Variants in TNFRSF11A observed in about 807,000 individuals in gnomAD.
TNFRSF11A encodes tumor necrosis factor receptor superfamily member 11A.
A neutral mutation model predicts 55.7 loss-of-function variants in TNFRSF11A; 32 were observed. The observed-to-expected ratio is 0.57, with a 90% CI of 0.43 to 0.77. The LOEUF is 0.77. Ranked by LOEUF, TNFRSF11A falls within the 30% of genes least tolerant of loss-of-function variation. TNFRSF11A has a pLI of 0.00. For synonymous variants in TNFRSF11A, 311 were observed against 331.0 expected, an observed-to-expected ratio of 0.94 and a Z score of 0.65; for missense variants, 753 against 809.8, an observed-to-expected ratio of 0.93 and a Z score of 0.85.
At chr18:62,376,522 T>C (rs541399211) in intron 9 of TNFRSF11A, among the ~76,000 whole-genome samples, 1 of 152,232 alleles carries the variant, frequency 6.6e-6, no homozygotes, top group East Asian at 1.9e-4. Context: ...GTACAGAGAT[T>C]TCCTATATAC....
intron 2 of TNFRSF11A, among the ~76,000 whole-genome samples, chr18:62,348,946 G>T (rs1046100759): frequency 6.6e-5 from 10 of 152,298 alleles, no homozygotes; most frequent in South Asian, 2.1e-4. Flanking sequence ...CGGGTGGGGC[G>T]CAGCGTGACA....
At chr18:62,327,135 C>G (rs4245291) in intron 1 of TNFRSF11A, among the ~76,000 whole-genome samples, 148,054 of 152,282 alleles carry the variant, frequency 0.97, 71,990 homozygotes, top group East Asian at 1. Flanking sequence ...ACCAGCCCTT[C>G]GGAGAATAGG....
intron 3 of TNFRSF11A, among the ~76,000 whole-genome samples, chr18:62,353,894 G>A (rs1278071201): frequency 6.6e-6 from 1 of 152,104 alleles, no homozygotes; most frequent in Non-Finnish European, 1.5e-5. Flanking sequence ...GCCTGCCTCT[G>A]TACCCTCTCC....
intron 1 of TNFRSF11A, among the ~76,000 whole-genome samples, chr18:62,340,981 A>T (rs2046302646): frequency 6.6e-6 from 1 of 152,266 alleles, no homozygotes; most frequent in Non-Finnish European, 1.5e-5. Flanking sequence ...TCTGGTTTGT[A>T]CAAAAGAAAC....
rs1161517248 is a variant in TNFRSF11A, at chr18:62,389,214, C to G, written c.*4180C>G. On this transcript the variant is annotated 3_prime_UTR_variant, in exon 10 of 10. Coordinates refer to ENST00000586569, the MANE Select transcript of TNFRSF11A (RefSeq NM_003839.4). ...GGAGCAGAGAAGACGAGACAATGCT[C>G]TGCTCCAAGCGCCAGAGGAGGCTTC... The G allele has an allele frequency of 6.6e-6, 1 of 152,306 alleles. No homozygotes were observed. The highest frequency in any genetic ancestry group is 6.5e-5 in the Admixed American group (1 of 15,284). The allele number at this position is 152,306 out of a possible 1,614,324, so 9.4% of individuals were successfully genotyped here.
intron 6 of TNFRSF11A, among the ~76,000 whole-genome samples, 166 bp from the exon 7 acceptor site, chr18:62,361,514 A>G (rs1013649856): frequency 6.6e-6 from 1 of 152,106 alleles, no homozygotes; most frequent in East Asian, 1.9e-4. Context: ...CACCCTTTGG[A>G]ATGTGAGTGC....
In TNFRSF11A at chr18:62,390,283, T is replaced by A. The variant is rs1911948417; in HGVS notation, c.*5249T>A. 2 of 152,268 alleles carry A rather than the reference T, an allele frequency of 1.3e-5. No individual in the cohort carries two copies. The highest frequency in any genetic ancestry group is 2.4e-5 in the African/African-American group (1 of 41,458). The allele number at this position is 152,268 out of a possible 1,614,324, so 9.4% of individuals were successfully genotyped here. Reference sequence around the variant, plus strand: ...ACCCAAAAGTTGTCATCTTCTGACATGACACACTGAGGGAAGTAGACTTAC... The same window carrying A: ...ACCCAAAAGTTGTCATCTTCTGACAAGACACACTGAGGGAAGTAGACTTAC... On this transcript the variant is annotated 3_prime_UTR_variant, in exon 10 of 10. Transcript: ENST00000586569.
At chr18:62,356,996 T>C (rs1266359052) in intron 4 of TNFRSF11A, among the ~76,000 whole-genome samples, 1 of 152,188 alleles carries the variant, frequency 6.6e-6, no homozygotes, top group Admixed American at 6.5e-5. Context: ...TAGATTGTGC[T>C]TCTCTTTTAA....
At chr18:62,360,168 TG>T in intron 6 of TNFRSF11A, 119 bp downstream of exon 6, 1 of 740,218 alleles carries the variant, frequency 1.4e-6, no homozygotes, top group South Asian at 1.5e-5. Context: ...TTTCATCCCG[TG>T]CATGGTCAGC....
intron 9 of TNFRSF11A, among the ~76,000 whole-genome samples, chr18:62,370,710 A>C (rs1299512562): frequency 6.6e-6 from 1 of 152,074 alleles, no homozygotes; most frequent in Non-Finnish European, 1.5e-5. Context: ...TTTTCAAAGA[A>C]CTGGTATGTT....
At position 62,368,923 on chromosome 18, in the gene TNFRSF11A, G is replaced by C. The variant is rs1454865086; in HGVS notation, c.1006G>C (p.Glu336Gln). 2 of 1,614,134 alleles carry C rather than the reference G, an allele frequency of 1.2e-6. No homozygotes were observed. Among genetic ancestry groups the C allele is most frequent in the African/African-American group, 2.7e-5 (2 of 74,948 alleles). ...CTCATTGGTCAGCAAGACCGAGATA[G>C]AGGAAGACAGCTTCAGACAGATGCC... ...MLSLVSKTEI[E>Q]EDSFRQMPTE... Residue 336 changes from glutamate (E) to glutamine (Q), a missense_variant, in exon 9 of 10, where the codon GAG becomes CAG. Physicochemically the swap from Glu to Gln is conservative, Grantham distance 29. Around this residue, in one of 3 missense-constraint regions of TNFRSF11A, gnomAD observed 567 missense variants for 596.7 expected, o/e 0.95. Coordinates refer to ENST00000586569, the MANE Select transcript of TNFRSF11A (RefSeq NM_003839.4).
At chr18:62,363,298 A>G (rs924663991) in intron 7 of TNFRSF11A, among the ~76,000 whole-genome samples, 1 of 151,716 alleles carries the variant, frequency 6.6e-6, no homozygotes, top group Admixed American at 6.6e-5. Context: ...CAGAAGATTA[A>G]TTAAAGAGGA....
At chr18:62,375,749 C>T (rs1170812592) in intron 9 of TNFRSF11A, among the ~76,000 whole-genome samples, 1 of 152,110 alleles carries the variant, frequency 6.6e-6, no homozygotes, top group Non-Finnish European at 1.5e-5. Context: ...ACCTGTAACC[C>T]CAGCACTTTG....
At chr18:62,377,612 G>A (rs1394655251) in intron 9 of TNFRSF11A, among the ~76,000 whole-genome samples, 1 of 152,178 alleles carries the variant, frequency 6.6e-6, no homozygotes, top group African/African-American at 2.4e-5. Flanking sequence ...GTGTCTCACT[G>A]TTGCATAAAT....
chr18:62,346,250 T>C (rs948244541), intron 1 of TNFRSF11A, among the ~76,000 whole-genome samples: 2 of 152,234 alleles, frequency 1.3e-5, no homozygotes, highest in Admixed American at 1.3e-4. Context: ...TCATCAGCAT[T>C]GCAACAATGC....
chr18:62,326,450 A>G (rs577296202), intron 1 of TNFRSF11A, among the ~76,000 whole-genome samples: 10 of 152,350 alleles, frequency 6.6e-5, no homozygotes, highest in Admixed American at 2.0e-4. Context: ...GTTGAGGGAA[A>G]CGAAGGCGGA....
At chr18:62,339,599 G>A (rs2046283125) in intron 1 of TNFRSF11A, among the ~76,000 whole-genome samples, 1 of 152,224 alleles carries the variant, frequency 6.6e-6, no homozygotes, top group Non-Finnish European at 1.5e-5. Flanking sequence ...GGCAGAGACA[G>A]GTCCTGCCTT....
intron 1 of TNFRSF11A, among the ~76,000 whole-genome samples, chr18:62,329,200 T>C (rs1304817396): frequency 1.3e-5 from 2 of 152,204 alleles, no homozygotes; most frequent in African/African-American, 4.8e-5. Context: ...TTTTGGTTTG[T>C]TTTTTGTTTT....
intron 1 of TNFRSF11A, among the ~76,000 whole-genome samples, chr18:62,345,010 G>A (rs1210998222): frequency 3.9e-5 from 6 of 152,244 alleles, no homozygotes; most frequent in African/African-American, 1.4e-4. Flanking sequence ...GCAGCGTCAA[G>A]GGGACAAGTC....
Sources: gnomAD v4.1 joint callset for allele counts (sites outside exome capture counted in the v4.1 genomes callset) on GRCh38, gnomAD v4.1.1 for gene constraint, gnomAD v4.1.1 regional missense constraint, MANE v1.5 for transcripts, NCBI Gene and HGNC (gene_info 2026-07-23, HGNC 2026-07-21) for gene names.